Variants in CTNNA1 observed in about 807,000 individuals in gnomAD.
CTNNA1 encodes catenin alpha 1.
Under a neutral mutation model 98.4 loss-of-function variants are expected in CTNNA1, and 37 were observed. The observed-to-expected ratio is 0.38, with a 90% CI of 0.29 to 0.49. CTNNA1 has a LOEUF of 0.49. CTNNA1 is among the 20% of genes least tolerant of loss of function. CTNNA1 has a pLI of 0.95. For synonymous variants in CTNNA1, 404 were observed against 413.2 expected (o/e 0.98, Z 0.27); for missense variants, 761 against 1,147.2 (o/e 0.66, Z 4.86).
intron 9 of CTNNA1, among the ~76,000 whole-genome samples, chr5:138,891,893 C>G (rs1221086429): frequency 1.3e-5 from 2 of 152,198 alleles, no homozygotes; most frequent in African/African-American, 4.8e-5. Context: ...TTAAGGCAAA[C>G]CTGCCTCCCA....
At position 138,873,129 on chromosome 5, in the gene CTNNA1, T is replaced by A. The variant is rs773654146; in HGVS notation, c.1063-13083T>A. The stretch of plus-strand genomic sequence containing the variant: ...TCATTATACGGTCCTTGGTCTGACA[T>A]GTTTGACATATGGAGTCGTGTTTGG... On this transcript the variant is annotated intron_variant, in intron 7 of 17. Coordinates refer to ENST00000302763, the MANE Select transcript of CTNNA1 (RefSeq NM_001903.5). This position sits in a 1 kb window ranked among gnomAD's most constrained non-coding sequence, Gnocchi z 6.1. The A allele has an allele frequency of 2.1e-5, 34 of 1,614,004 alleles. No homozygotes were observed. The highest frequency in any genetic ancestry group is 1.6e-4 in the Middle Eastern group (1 of 6,062).
At chr5:138,932,353 G>A (rs972356808) in intron 16 of CTNNA1, 28 of 1,376,464 alleles carry the variant, frequency 2.0e-5, no homozygotes, top group Non-Finnish European at 2.4e-5. Context: ...AGTGCCATGC[G>A]GCGCAGTCAG....
intron 3 of CTNNA1, among the ~76,000 whole-genome samples, chr5:138,793,173 G>A (rs1038227018): frequency 5.3e-5 from 8 of 152,122 alleles, no homozygotes; most frequent in African/African-American, 1.9e-4. Context: ...CATTTAACTT[G>A]AGCAGGAAAA....
intron 7 of CTNNA1, among the ~76,000 whole-genome samples, chr5:138,866,091 C>G (rs1358746747): frequency 2.6e-5 from 4 of 152,098 alleles, no homozygotes; most frequent in African/African-American, 9.7e-5. Context: ...GAGTGGATCA[C>G]TTGAGCCCAG....
chr5:138,934,916 GATTACT>G lies in CTNNA1; in HGVS notation c.*832_*837del, dbSNP rs1412909270. ...TGATTACTGTAGTGATTGATTGATT[GATTACT>G]ATTAACTACAAGGTATAATTTACTA... On this transcript the variant is annotated 3_prime_UTR_variant, in exon 18 of 18. Coordinates refer to ENST00000302763, the MANE Select transcript of CTNNA1 (RefSeq NM_001903.5). The G allele has an allele frequency of 6.7e-6, 1 of 148,240 alleles. No individual in the cohort carries two copies. The highest frequency in any genetic ancestry group is 1.5e-5 in the Non-Finnish European group (1 of 66,662). 9.2% of individuals were successfully genotyped at this position (148,240 alleles called of 1,614,324 possible).
chr5:138,918,008 C>A, intron 11 of CTNNA1, 110 bp downstream of exon 11: 1 of 1,127,584 alleles, frequency 8.9e-7, no homozygotes, highest in Non-Finnish European at 1.3e-6. Context: ...ATTATTCTAA[C>A]AATAATATTG....
At chr5:138,921,939 T>C (rs1261693854) in intron 11 of CTNNA1, among the ~76,000 whole-genome samples, 1 of 151,700 alleles carries the variant, frequency 6.6e-6, no homozygotes, top group Non-Finnish European at 1.5e-5. Flanking sequence ...TTAAGCCTAC[T>C]ATATAGTTTA....
intron 10 of CTNNA1, among the ~76,000 whole-genome samples, chr5:138,914,041 T>C (rs1427716806): frequency 6.6e-6 from 1 of 152,220 alleles, no homozygotes; most frequent in Non-Finnish European, 1.5e-5. Context: ...ATTCCAAATT[T>C]AGTAAGAGTA....
At chr5:138,861,824 A>G (rs933070199) in intron 7 of CTNNA1, among the ~76,000 whole-genome samples, 2 of 152,218 alleles carry the variant, frequency 1.3e-5, no homozygotes, top group Admixed American at 6.5e-5. Context: ...ATGAGTGACT[A>G]TATTTTTTAT....
chr5:138,851,985 G>T (rs554518673), intron 7 of CTNNA1, among the ~76,000 whole-genome samples: 1 of 152,110 alleles, frequency 6.6e-6, no homozygotes, highest in African/African-American at 2.4e-5. Flanking sequence ...CAGGAGAATT[G>T]CTTGAACCTG....
chr5:138,773,850 A>G (rs182200205), intron 1 of CTNNA1, among the ~76,000 whole-genome samples: 49 of 151,788 alleles, frequency 3.2e-4, no homozygotes, highest in Admixed American at 2.2e-3. Context: ...TAGCTGGACT[A>G]TGGATGCACA....
intron 3 of CTNNA1, among the ~76,000 whole-genome samples, chr5:138,808,988 A>T (rs1199677756): frequency 2.0e-5 from 3 of 152,148 alleles, no homozygotes; most frequent in Non-Finnish European, 2.9e-5. Flanking sequence ...AATTATTTTT[A>T]AAAATTTTTT....
chr5:138,762,835 C>G (rs571243131), intron 1 of CTNNA1, among the ~76,000 whole-genome samples: 2 of 151,948 alleles, frequency 1.3e-5, no homozygotes, highest in South Asian at 2.1e-4. Flanking sequence ...AGGGATGGAA[C>G]TATATTGTGG....
At chr5:138,782,055 T>G in intron 2 of CTNNA1, 26 bp downstream of exon 2, 1 of 1,599,338 alleles carries the variant, frequency 6.3e-7, no homozygotes, top group Non-Finnish European at 8.5e-7. Context: ...CACAAATACA[T>G]TGTAACATGG....
At position 138,930,556 on chromosome 5, in the gene CTNNA1, G is replaced by A. The variant is rs2150334475; in HGVS notation, c.2094G>A (p.Leu698=). 6.2e-7 allele frequency: 1 copy of A among 1,614,028 alleles called. No individual in the cohort carries two copies. The highest frequency in any genetic ancestry group is 8.5e-7 in the Non-Finnish European group (1 of 1,179,914). ...GCTTCCAGGAAGAAAAGAGCAAGCT[G>A]GATGCTGAAGTGTCCAAATGGGACG... ...VASFQEEKSK[L]DAEVSKWDDS... Residue 698 remains leucine (L), a synonymous_variant, in exon 15 of 18, where the codon CTG becomes CTA. Transcript: ENST00000302763.
chr5:138,809,857 C>CT (rs35892900), intron 3 of CTNNA1, among the ~76,000 whole-genome samples, 181 bp from the exon 4 acceptor site: 2 of 151,828 alleles, frequency 1.3e-5, no homozygotes, highest in Admixed American at 6.6e-5. Context: ...TATGAAGGTG[C>CT]TTTTTTTAGT....
chr5:138,793,553 T>C (rs556651561), intron 3 of CTNNA1, among the ~76,000 whole-genome samples: 39 of 152,358 alleles, frequency 2.6e-4, no homozygotes, highest in Non-Finnish European at 5.0e-4. Context: ...GTGGGTAATA[T>C]TACTGCCTTA....
At chr5:138,884,605 T>A (rs1342101577) in intron 7 of CTNNA1, among the ~76,000 whole-genome samples, 1 of 152,230 alleles carries the variant, frequency 6.6e-6, no homozygotes, top group Non-Finnish European at 1.5e-5. Flanking sequence ...AGAGTCCATT[T>A]GGAATTTGGT....
chr5:138,838,195 C>T (rs1057000228), intron 7 of CTNNA1, among the ~76,000 whole-genome samples: 1 of 152,228 alleles, frequency 6.6e-6, no homozygotes, highest in African/African-American at 2.4e-5. Flanking sequence ...GCCATGGCAC[C>T]CAGCCCAACC....
Sources: allele counts gnomAD v4.1 joint callset (sites outside exome capture counted in the v4.1 genomes callset), GRCh38; gene constraint gnomAD v4.1.1; non-coding constraint Gnocchi (gnomAD v3.1); transcripts MANE v1.5; gene names NCBI Gene and HGNC (gene_info 2026-07-23, HGNC 2026-07-21).